Variants in PDE11A observed in about 807,000 individuals in gnomAD.
The protein encoded by PDE11A is phosphodiesterase 11A, also known as dual 3',5'-cyclic-AMP and -GMP phosphodiesterase 11A.
A neutral mutation model predicts 100.5 loss-of-function variants in PDE11A; 100 were observed. That is an observed-to-expected ratio of 1.00 (90% CI 0.85 to 1.18). The LOEUF (loss-of-function observed/expected upper bound fraction) is 1.18, where lower values mean the gene tolerates loss of function less well. Ranked by LOEUF, PDE11A falls within the 50% of genes most tolerant of loss-of-function variation. The pLI, the probability that PDE11A is intolerant of heterozygous loss-of-function variation, is 0.00. For synonymous variants in PDE11A, 381 were observed against 420.8 expected (o/e 0.91, Z 1.16); for missense variants, 1,141 against 1,152.6 (o/e 0.99, Z 0.15).
intron 1 of PDE11A, among the ~76,000 whole-genome samples, chr2:178,030,381 T>A (rs1374518801): frequency 2.6e-5 from 4 of 152,104 alleles, no homozygotes; most frequent in Admixed American, 2.6e-4. Context: ...ATAAATTGAA[T>A]CAGTACTTTA....
At chr2:177,858,420 CA>C (rs961850127) in intron 5 of PDE11A, among the ~76,000 whole-genome samples, 15 of 151,036 alleles carry the variant, frequency 9.9e-5, no homozygotes, top group Non-Finnish European at 1.3e-4. Context: ...AAAACCACAT[CA>C]AAAAGTGGGT....
At chr2:177,889,972 G>A (rs906436830) in intron 4 of PDE11A, among the ~76,000 whole-genome samples, 4 of 152,044 alleles carry the variant, frequency 2.6e-5, no homozygotes, top group African/African-American at 9.7e-5. Flanking sequence ...TTTGTTGTGT[G>A]TTAGTGTTTA....
At position 177,687,725 on chromosome 2, in the gene PDE11A, C is replaced by G. The variant is rs573842753; in HGVS notation, c.2346-6822G>C. 14 of 152,210 alleles carry G rather than the reference C, an allele frequency of 9.2e-5. No homozygotes were observed. The South Asian group carries it at 2.9e-3, about 32-fold the overall frequency. 9.4% of individuals were successfully genotyped at this position (152,210 alleles called of 1,614,324 possible). ...ACATGTATATGTAAAATTGCTGGGT[C>G]ATAGAATGACTTCTTTTCTATGTTT... On this transcript the variant is annotated intron_variant, in intron 15 of 19. Transcript: ENST00000286063.
In PDE11A at chr2:177,624,402, G is replaced by T. The variant is rs1390037298; in HGVS notation, c.*5005C>A. 6.6e-6 allele frequency: 1 copy of T among 152,014 alleles called. No individual in the cohort carries two copies. Among genetic ancestry groups the T allele is most frequent in the Non-Finnish European group, 1.5e-5 (1 of 68,004 alleles). 9.4% of individuals were successfully genotyped at this position (152,014 alleles called of 1,614,324 possible). ...GTTTTTGTCTTTCTGCAATTTCTAA[G>T]AGTCAGCAGGAAAAATAGATTTTAA... On this transcript the variant is annotated 3_prime_UTR_variant, in exon 20 of 20. Transcript: ENST00000286063.
intron 1 of PDE11A, among the ~76,000 whole-genome samples, chr2:178,044,456 A>G (rs900621157): frequency 3.7e-5 from 3 of 80,136 alleles, no homozygotes; most frequent in African/African-American, 1.4e-4. Context: ...ATATGTATGT[A>G]TACATCAGTA....
At chr2:177,830,637 TAA>T (rs1460442219) in intron 6 of PDE11A, among the ~76,000 whole-genome samples, 1 of 146,510 alleles carries the variant, frequency 6.8e-6, no homozygotes, top group African/African-American at 2.6e-5. Context: ...ATAATAATAA[TAA>T]TAATAATAAT....
At chr2:177,882,053 G>A (rs2084351983) in intron 4 of PDE11A, among the ~76,000 whole-genome samples, 2 of 152,162 alleles carry the variant, frequency 1.3e-5, no homozygotes, top group South Asian at 4.1e-4. Flanking sequence ...AGGCACCAGG[G>A]TAAGTGGTAA....
At chr2:177,675,407 G>GC (rs369768336) in intron 17 of PDE11A, 48 bp downstream of exon 17, 14 of 1,329,308 alleles carry the variant, frequency 1.1e-5, no homozygotes, top group African/African-American at 1.4e-5. Context: ...TCCCCCTTAC[G>GC]CCCCCCAGTC....
At chr2:177,833,899 C>A (rs1014370507) in intron 6 of PDE11A, among the ~76,000 whole-genome samples, 1 of 152,208 alleles carries the variant, frequency 6.6e-6, no homozygotes, top group South Asian at 2.1e-4. Flanking sequence ...GATAAGGGAA[C>A]CTGCACAGGG....
At chr2:177,715,793 T>G (rs1415461712) in intron 12 of PDE11A, among the ~76,000 whole-genome samples, 1 of 152,206 alleles carries the variant, frequency 6.6e-6, no homozygotes, top group Non-Finnish European at 1.5e-5. Context: ...TTCTCTGAAC[T>G]CCTTCTTTTC....
At chr2:178,062,238 A>G (rs2086980907) in intron 1 of PDE11A, among the ~76,000 whole-genome samples, 2 of 151,682 alleles carry the variant, frequency 1.3e-5, no homozygotes, top group South Asian at 4.2e-4. Flanking sequence ...TATGATAAAA[A>G]GGAGGGCTAT....
chr2:177,709,660 A>C (rs1377905527), intron 13 of PDE11A, among the ~76,000 whole-genome samples: 1 of 152,172 alleles, frequency 6.6e-6, no homozygotes, highest in East Asian at 1.9e-4. Flanking sequence ...GAGGGAGGGC[A>C]TCATCAGTGA....
chr2:177,773,898 C>T (rs1431085026), intron 9 of PDE11A, among the ~76,000 whole-genome samples: 1 of 152,194 alleles, frequency 6.6e-6, no homozygotes, highest in Non-Finnish European at 1.5e-5. Context: ...GAAAAACCAA[C>T]AAGCCAGAGG....
At chr2:177,995,649 C>CCG (rs756005819) in intron 2 of PDE11A, among the ~76,000 whole-genome samples, 4 of 151,234 alleles carry the variant, frequency 2.6e-5, no homozygotes, top group Admixed American at 2.0e-4. Flanking sequence ...AAACACCACC[C>CCG]ACCCCGCATC....
intron 9 of PDE11A, among the ~76,000 whole-genome samples, chr2:177,804,676 T>C (rs1034731402): frequency 6.7e-6 from 1 of 150,250 alleles, no homozygotes; most frequent in Non-Finnish European, 1.5e-5. Flanking sequence ...TCAACATAAA[T>C]GTCCATCAGT....
intron 4 of PDE11A, among the ~76,000 whole-genome samples, chr2:177,881,384 T>TATCTATCC (rs2084339673): frequency 6.8e-6 from 1 of 146,300 alleles, no homozygotes; most frequent in Admixed American, 6.9e-5. Context: ...TCTATCTATC[T>TATCTATCC]ATCCATCTAT....
chr2:177,637,167 G>A (rs1167754676), intron 19 of PDE11A, among the ~76,000 whole-genome samples: 1 of 152,214 alleles, frequency 6.6e-6, no homozygotes. Context: ...CACGAAGTAG[G>A]TACTTTTATC....
chr2:178,021,578 G>T (rs1186258096), intron 1 of PDE11A, among the ~76,000 whole-genome samples: 1 of 151,972 alleles, frequency 6.6e-6, no homozygotes, highest in East Asian at 1.9e-4. Context: ...TATTATAGAA[G>T]GAACAAAAGT....
chr2:177,903,882 A>T (rs1233342115), intron 3 of PDE11A, among the ~76,000 whole-genome samples: 1 of 152,250 alleles, frequency 6.6e-6, no homozygotes, highest in Non-Finnish European at 1.5e-5. Flanking sequence ...GGAGTTCCAG[A>T]TGAAAGCAGG....
Sources: gnomAD v4.1 joint callset for allele counts (sites outside exome capture counted in the v4.1 genomes callset) on GRCh38, gnomAD v4.1.1 for gene constraint, MANE v1.5 for transcripts, NCBI Gene and HGNC (gene_info 2026-07-23, HGNC 2026-07-21) for gene names.